The following NMT2 variants were observed in gnomAD, a reference collection of about 807,000 sequenced individuals.
The protein encoded by NMT2 is glycylpeptide N-tetradecanoyltransferase 2.
In NMT2, 35 loss-of-function variants were observed where a neutral mutation model predicts 65.4. That is an observed-to-expected ratio of 0.54 (90% confidence interval 0.41 to 0.71). The LOEUF is 0.71. NMT2 is among the 30% of genes least tolerant of loss of function. The probability of loss-of-function intolerance (pLI) is 0.00; values close to 1 mark genes in which losing one functional copy is unlikely to be tolerated. For synonymous variants in NMT2, 226 were observed against 231.8 expected (o/e 0.98, Z 0.23); for missense variants, 489 against 611.3 (o/e 0.80, Z 2.11).
At chr10:15,138,366 G>A (rs1445980239) in intron 2 of NMT2, 2 of 471,006 alleles carry the variant, frequency 4.2e-6, no homozygotes, top group Non-Finnish European at 8.8e-6. Context: ...CAAATCCACA[G>A]GGACAAAGCA....
At position 15,128,360 on chromosome 10, in the gene NMT2, C is replaced by A; in HGVS notation, c.989G>T (p.Arg330Ile). ...MTLQRTMKLYRLPDVTKTSGL... is the reference protein window; with the variant it reads ...MTLQRTMKLYILPDVTKTSGL... ...ATCATTCTTACTTACATCTGGAAGT[C>A]TGTATAGCTTCATTGTTCTCTGTAA... is the stretch of plus-strand genomic sequence containing the variant. Residue 330 changes from arginine (R) to isoleucine (I), a missense_variant, in exon 8 of 12, where the codon AGA becomes ATA. Transcript: ENST00000378165. 1.9e-6 allele frequency: 3 copies of A among 1,568,830 alleles called. No homozygotes were observed. The highest frequency in any genetic ancestry group is 2.6e-6 in the Non-Finnish European group (3 of 1,140,070).
intron 6 of NMT2, among the ~76,000 whole-genome samples, chr10:15,130,782 CTTTCT>C (rs1240019908): frequency 2.4e-5 from 3 of 123,010 alleles, no homozygotes; most frequent in East Asian, 2.6e-4. Context: ...TTTCTTCTTT[CTTTCT>C]TTTTTTTTTT....
Position 15,107,515 on chromosome 10 carries a change from C to T in NMT2, c.*1680G>A, listed in dbSNP as rs1001697793. On this transcript the variant is annotated 3_prime_UTR_variant, in exon 12 of 12. Coordinates refer to ENST00000378165, the MANE Select transcript of NMT2 (RefSeq NM_004808.3). The stretch of plus-strand genomic sequence containing the variant: ...TCACCCAGGCTGGAGTGCAGTGGCA[C>T]GATCTTGGCTCACTGCAACTTCCGC... 1.1e-5 allele frequency: 10 copies of T among 883,842 alleles called. No individual in the cohort carries two copies. The highest frequency in any genetic ancestry group is 5.2e-5 in the South Asian group (1 of 19,352). 54.7% of individuals were successfully genotyped at this position (883,842 alleles called of 1,614,324 possible). A position where few individuals can be genotyped will look rare whatever the true frequency, so the allele number is the denominator to read the frequency against.
chr10:15,158,052 C>T (rs909209527), intron 1 of NMT2, among the ~76,000 whole-genome samples: 9 of 152,242 alleles, frequency 5.9e-5, no homozygotes, highest in Admixed American at 3.9e-4. Flanking sequence ...CGGTGGCTCA[C>T]GCTTGTAGAC....
intron 10 of NMT2, 128 bp from the exon 11 acceptor site, chr10:15,109,967 T>C: frequency 6.8e-6 from 5 of 731,048 alleles, no homozygotes; most frequent in Non-Finnish European, 1.1e-5. Context: ...GTCCGTGATA[T>C]ATAGCATAGG....
At chr10:15,132,317 C>T (rs1846313325) in intron 6 of NMT2, among the ~76,000 whole-genome samples, 1 of 151,482 alleles carries the variant, frequency 6.6e-6, no homozygotes, top group Non-Finnish European at 1.5e-5. Flanking sequence ...TATTTTAAAA[C>T]AGTTTTAGGT....
intron 7 of NMT2, 61 bp downstream of exon 7, chr10:15,130,081 G>A: frequency 7.8e-7 from 1 of 1,277,636 alleles, no homozygotes; most frequent in Non-Finnish European, 1.0e-6. Context: ...TAGCAGAACA[G>A]TGGTGAGGCT....
chr10:15,128,768 G>A (rs1846180705), intron 7 of NMT2, among the ~76,000 whole-genome samples: 1 of 152,216 alleles, frequency 6.6e-6, no homozygotes, highest in Non-Finnish European at 1.5e-5. Context: ...ACTTTGGGAG[G>A]CTGAGGTGGG....
intron 1 of NMT2, among the ~76,000 whole-genome samples, chr10:15,149,188 GCCACCATCATCA>G (rs1344700079): frequency 7.1e-6 from 1 of 141,166 alleles, no homozygotes; most frequent in African/African-American, 2.7e-5. Flanking sequence ...CACCACCACT[GCCACCATCATCA>G]CCACCATCAT....
At position 15,112,795 on chromosome 10, in the gene NMT2, C is replaced by T; in HGVS notation, c.1338+1G>A. The T allele has an allele frequency of 6.2e-7, 1 of 1,607,078 alleles. No individual in the cohort carries two copies. The highest frequency in any genetic ancestry group is 8.5e-7 in the Non-Finnish European group (1 of 1,176,528). The stretch of plus-strand genomic sequence containing the variant: ...GGCGTGAACAGGAAGGAGTGGCTTA[C>T]CGATTTAGCCAGGATGAGCGCGTCG... On this transcript the variant is annotated splice_donor_variant, in intron 10 of 11. Transcript: ENST00000378165. LOFTEE classifies it high-confidence loss of function.
At chr10:15,141,067 A>G in intron 2 of NMT2, 2 of 1,521,184 alleles carry the variant, frequency 1.3e-6, no homozygotes, top group Non-Finnish European at 1.8e-6. Context: ...GAAAAATTAC[A>G]ATGTGAATAT....
intron 2 of NMT2, among the ~76,000 whole-genome samples, chr10:15,139,272 C>A (rs1299957275): frequency 1.3e-5 from 2 of 151,212 alleles, no homozygotes; most frequent in African/African-American, 4.9e-5. Context: ...ATCTATCTAT[C>A]TATCTATCTA....
At chr10:15,167,834 TCAGCGG>T (rs1274191677) in intron 1 of NMT2, among the ~76,000 whole-genome samples, 1 of 152,124 alleles carries the variant, frequency 6.6e-6, no homozygotes, top group Non-Finnish European at 1.5e-5. Context: ...TACGGCCAGG[TCAGCGG>T]GAGCCCGGTT....
At chr10:15,161,133 CCAGTAAATACT>C (rs997002044) in intron 1 of NMT2, among the ~76,000 whole-genome samples, 2 of 136,956 alleles carry the variant, frequency 1.5e-5, no homozygotes, top group Non-Finnish European at 3.1e-5. Flanking sequence ...AACATCTGTA[CCAGTAAATACT>C]GGAAGATATT....
intron 9 of NMT2, among the ~76,000 whole-genome samples, chr10:15,114,674 C>G (rs1278588002): frequency 6.6e-6 from 1 of 152,068 alleles, no homozygotes; most frequent in East Asian, 1.9e-4. Context: ...AATGGCCAAC[C>G]TCAGTAGTGA....
Position 15,108,335 on chromosome 10 carries a change from C to A in NMT2, c.*860G>T. 2.1e-6 allele frequency: 1 copy of A among 471,946 alleles called. No individual in the cohort carries two copies. The highest frequency in any genetic ancestry group is 2.8e-6 in the Non-Finnish European group (1 of 361,068). The allele number at this position is 471,946 out of a possible 1,614,324, so 29.2% of individuals were successfully genotyped here. Reference sequence around the variant, plus strand: ...CCAAGCAGCTGGGACTACAGGCACACGCCACCACGCCCGGCTAATTTTTGT... The same window carrying A: ...CCAAGCAGCTGGGACTACAGGCACAAGCCACCACGCCCGGCTAATTTTTGT... On this transcript the variant is annotated 3_prime_UTR_variant, in exon 12 of 12. Transcript: ENST00000378165.
chr10:15,163,630 C>T (rs909371061), intron 1 of NMT2, among the ~76,000 whole-genome samples: 1 of 152,150 alleles, frequency 6.6e-6, no homozygotes, highest in Non-Finnish European at 1.5e-5. Flanking sequence ...ATAAGAAAAA[C>T]TTATTGCAAG....
intron 1 of NMT2, among the ~76,000 whole-genome samples, chr10:15,165,092 G>A (rs545862877): frequency 3.0e-4 from 46 of 152,010 alleles, no homozygotes; most frequent in Non-Finnish European, 5.4e-4. Context: ...GAACCCGGGA[G>A]GTGGAGGTTG....
At chr10:15,135,546 C>G (rs1403947348) in intron 2 of NMT2, 128 bp from the exon 3 acceptor site, 7 of 893,206 alleles carry the variant, frequency 7.8e-6, no homozygotes, top group Non-Finnish European at 1.2e-5. Context: ...CAAGCCCAGT[C>G]AAGGCCATGG....
Sources: allele counts gnomAD v4.1 joint callset (sites outside exome capture counted in the v4.1 genomes callset), GRCh38; gene constraint gnomAD v4.1.1; transcripts MANE v1.5; gene names NCBI Gene and HGNC (gene_info 2026-07-23, HGNC 2026-07-21).